The following MED26 variants were observed in gnomAD, a reference collection of about 807,000 sequenced individuals.
MED26 encodes the protein mediator of RNA polymerase II transcription subunit 26.
A neutral mutation model predicts 43.7 loss-of-function variants in MED26; 7 were observed. The ratio of observed to expected loss-of-function variants is 0.16; its 90% CI spans 0.09 to 0.30. The LOEUF (loss-of-function observed/expected upper bound fraction) is 0.30. Among genes scored for constraint, MED26 ranks in the 10% least tolerant of loss-of-function variants. The pLI is 1.00. For missense variants in MED26, 784 were observed against 840.6 expected, an observed-to-expected ratio of 0.93 and a Z score of 0.83; for synonymous variants, 375 against 371.1, an observed-to-expected ratio of 1.01 and a Z score of -0.12.
rs756687299 is a variant in MED26 at position 16,578,324 on chromosome 19, G to A, written c.147+11C>T. 5.0e-6 allele frequency: 8 copies of A among 1,613,416 alleles called. No individual in the cohort carries two copies. Among genetic ancestry groups the A allele is most frequent in the Non-Finnish European group, 5.9e-6 (7 of 1,179,506 alleles). On this transcript the variant is annotated intron_variant, in intron 2 of 2. Coordinates refer to ENST00000263390, the MANE Select transcript of MED26 (RefSeq NM_004831.5). ...TCTGCCCTCCCAAATGCTGGGGTCT[G>A]GGATACTCACCTCAAGTGCCTCTTT... is the stretch of plus-strand genomic sequence containing the variant.
At position 16,576,747 on chromosome 19, in the gene MED26, G is replaced by T. The variant is rs1252256430; in HGVS notation, c.1083C>A (p.Ser361=). The T allele has an allele frequency of 6.2e-7, 1 of 1,609,230 alleles. No individual in the cohort carries two copies. The highest frequency in any genetic ancestry group is 2.2e-5 in the East Asian group (1 of 44,840). ...CCCGGGACAGGAGGGGCTCGGCTGG[G>T]GACAGCCCTGCCTTGCAGCCCGGCC... ...LAGPGCKAGL[S]PAEPLLSRAG... Residue 361 remains serine, a synonymous_variant, in exon 3 of 3, where the codon TCC becomes TCA. Transcript: ENST00000263390. This position sits in a 1 kb window ranked among gnomAD's most constrained non-coding sequence, Gnocchi z 6.8.
intron 1 of MED26, among the ~76,000 whole-genome samples, chr19:16,626,921 A>AC (rs934175470): frequency 7.8e-4 from 36 of 46,244 alleles, no homozygotes; most frequent in Admixed American, 3.9e-3. Flanking sequence ...CTTCCCCCCC[A>AC]CCCCCCCACC....
At chr19:16,626,531 T>C (rs1487508087) in intron 1 of MED26, among the ~76,000 whole-genome samples, 3 of 152,198 alleles carry the variant, frequency 2.0e-5, no homozygotes, top group Admixed American at 6.5e-5. Flanking sequence ...AGAGAAGTAC[T>C]TATATCACAG....
In MED26 at chr19:16,587,111, C is replaced by T. The variant is rs2086074587; in HGVS notation, c.73-8702G>A. 1 of 152,044 alleles carries T rather than the reference C, an allele frequency of 6.6e-6. No individual in the cohort carries two copies. Among genetic ancestry groups the T allele is most frequent in the Non-Finnish European group, 1.5e-5 (1 of 68,008 alleles). The allele number at this position is 152,044 out of a possible 1,614,324, so 9.4% of individuals were successfully genotyped here. On this transcript the variant is annotated intron_variant, in intron 1 of 2. Transcript: ENST00000263390. The surrounding 1 kb of genome is among the most constrained non-coding windows in gnomAD (Gnocchi z 4.9). The stretch of plus-strand genomic sequence containing the variant: ...GCCGTCCGCGGCTGAGTCACCTCGC[C>T]CACCCCCCAACCCCCAACACACAGT...
At position 16,605,199 on chromosome 19, in the gene MED26, T is replaced by C. The variant is rs557301718; in HGVS notation, c.72+22673A>G. Among the ~76,000 whole-genome samples the C allele has an allele frequency of 3.8e-4, 58 of 152,354 alleles. No individual in the cohort carries two copies. In the South Asian group the frequency reaches 9.3e-3, roughly 24 times the overall value. ...TGAAAGCAAGACAGACATAACTGTT[T>C]AATGAGGGACTTCCACTGCCAAATG... On this transcript the variant is annotated intron_variant, in intron 1 of 2. Coordinates refer to ENST00000263390, the MANE Select transcript of MED26 (RefSeq NM_004831.5).
At chr19:16,597,049 G>A (rs1027763076) in intron 1 of MED26, among the ~76,000 whole-genome samples, 2 of 152,212 alleles carry the variant, frequency 1.3e-5, no homozygotes, top group Non-Finnish European at 2.9e-5. Context: ...GGGGAACAGT[G>A]CCCCCAGGTT....
intron 1 of MED26, among the ~76,000 whole-genome samples, chr19:16,579,732 C>T (rs1364596952): frequency 2.0e-5 from 3 of 152,052 alleles, no homozygotes; most frequent in Non-Finnish European, 4.4e-5. Flanking sequence ...AGGAGTTAAG[C>T]GGGCACATGA....
intron 1 of MED26, among the ~76,000 whole-genome samples, chr19:16,580,639 G>A (rs1170049954): frequency 3.3e-5 from 5 of 152,094 alleles, no homozygotes; most frequent in African/African-American, 1.2e-4. Flanking sequence ...CCAAAGTGCT[G>A]GGATTACAAG....
At chr19:16,604,823 C>T (rs75596474) in intron 1 of MED26, among the ~76,000 whole-genome samples, 7,858 of 152,256 alleles carry the variant, frequency 0.052, 285 homozygotes, top group South Asian at 0.065. Context: ...CCCTGGGAGC[C>T]GGCTCATGGT....
Position 16,587,703 on chromosome 19 carries a change from T to C in MED26, c.73-9294A>G, listed in dbSNP as rs866654765. ...CCACCTGAGTGGTCTGTCATGTCCA[T>C]GTGGCCCTCCCTGTCCTGCAGCCAC... On this transcript the variant is annotated intron_variant, in intron 1 of 2. Transcript: ENST00000263390. This position sits in a 1 kb window ranked among gnomAD's most constrained non-coding sequence, Gnocchi z 4.9. 3.6e-4 allele frequency: 55 copies of C among 152,434 alleles called. No individual in the cohort carries two copies. Among genetic ancestry groups the C allele is most frequent in the African/African-American group, 1.2e-3 (48 of 41,578 alleles). The allele number at this position is 152,434 out of a possible 1,614,324, so 9.4% of individuals were successfully genotyped here. A position where few individuals can be genotyped will look rare whatever the true frequency, so the allele number is the denominator to read the frequency against.
At chr19:16,590,943 C>T (rs959050152) in intron 1 of MED26, among the ~76,000 whole-genome samples, 9 of 151,580 alleles carry the variant, frequency 5.9e-5, no homozygotes, top group Non-Finnish European at 1.0e-4. Flanking sequence ...GGGAGGCTGA[C>T]GCATGAGAAT....
At chr19:16,604,313 A>G (rs536804884) in intron 1 of MED26, among the ~76,000 whole-genome samples, 2 of 152,228 alleles carry the variant, frequency 1.3e-5, no homozygotes, top group Non-Finnish European at 1.5e-5. Context: ...TGGACTCTAC[A>G]CTAGTGACAT....
At chr19:16,606,320 G>T (rs1180261104) in intron 1 of MED26, among the ~76,000 whole-genome samples, 1 of 152,202 alleles carries the variant, frequency 6.6e-6, no homozygotes, top group Admixed American at 6.5e-5. Flanking sequence ...GGAGGCTGAG[G>T]TGGGCGGATC....
intron 1 of MED26, among the ~76,000 whole-genome samples, chr19:16,592,404 C>T (rs184685735): frequency 1.3e-5 from 2 of 152,314 alleles, no homozygotes; most frequent in African/African-American, 4.8e-5. Flanking sequence ...AGGGTCCAGA[C>T]AAACCACAAC....
At chr19:16,603,509 A>C (rs2086159149) in intron 1 of MED26, among the ~76,000 whole-genome samples, 1 of 152,018 alleles carries the variant, frequency 6.6e-6, no homozygotes, top group Non-Finnish European at 1.5e-5. Flanking sequence ...TTAACTTCCC[A>C]CACTATGCTG....
rs747499411 is a variant in MED26, at chr19:16,576,886, G to A, written c.944C>T (p.Pro315Leu). 3.7e-5 allele frequency: 60 copies of A among 1,607,996 alleles called. No homozygotes were observed. The highest frequency in any genetic ancestry group is 4.8e-5 in the Non-Finnish European group (57 of 1,177,044). Residue 315 changes from proline (P) to leucine (L), a missense_variant, in exon 3 of 3, where the codon CCG becomes CTG. Transcript: ENST00000263390. This position sits in a 1 kb window ranked among gnomAD's most constrained non-coding sequence, Gnocchi z 6.8. Reference sequence around the variant, plus strand: ...TGTGGACGGCTGTGCCAGTGGAAGCGGTGACGGCACCTGTGTGGCATCGAG... The same window carrying A: ...TGTGGACGGCTGTGCCAGTGGAAGCAGTGACGGCACCTGTGTGGCATCGAG... Reference protein sequence around the residue: ...QALDATQVPSPLPLAQPSTPP... With the variant: ...QALDATQVPSLLPLAQPSTPP...
intron 1 of MED26, among the ~76,000 whole-genome samples, chr19:16,609,118 C>T (rs1022894566): frequency 6.6e-5 from 10 of 151,882 alleles, no homozygotes; most frequent in African/African-American, 2.2e-4. Context: ...AGTTCAAGAC[C>T]AGCCTGGCCA....
At chr19:16,627,101 C>T (rs2086281614) in intron 1 of MED26, among the ~76,000 whole-genome samples, 1 of 152,106 alleles carries the variant, frequency 6.6e-6, no homozygotes. Flanking sequence ...CCTACTGAAA[C>T]AGAGCTCTTG....
chr19:16,627,641 T>G (rs1321895935), intron 1 of MED26, among the ~76,000 whole-genome samples: 2 of 152,102 alleles, frequency 1.3e-5, no homozygotes, highest in African/African-American at 4.8e-5. Flanking sequence ...CCCGTCTGCT[T>G]CCTCCGCCCA....
Sources: gnomAD v4.1 joint callset for allele counts (sites outside exome capture counted in the v4.1 genomes callset) on GRCh38, gnomAD v4.1.1 for gene constraint, Gnocchi (gnomAD v3.1) non-coding constraint, MANE v1.5 for transcripts, NCBI Gene and HGNC (gene_info 2026-07-23, HGNC 2026-07-21) for gene names.